BMAL1: variants seen among roughly 807,000 people sequenced by gnomAD.
BMAL1 encodes the protein basic helix-loop-helix ARNT-like protein 1.
chr11:13,382,510 C>T, the BMAL1 span, among the ~76,000 whole-genome samples: 1 of 152,026 alleles, frequency 6.6e-6, no homozygotes, highest in Admixed American at 6.6e-5. Context: ...TGACCCCCGC[C>T]CCCCTGCCCA....
At chr11:13,304,752 A>G in the BMAL1 span, among the ~76,000 whole-genome samples, 1 of 152,176 alleles carries the variant, frequency 6.6e-6, no homozygotes, top group African/African-American at 2.4e-5. Context: ...TCCACTTCCA[A>G]TGCCTGCCAT....
chr11:13,321,394 G>GA, the BMAL1 span, among the ~76,000 whole-genome samples: 2 of 152,134 alleles, frequency 1.3e-5, no homozygotes. Flanking sequence ...TTGTGAAATG[G>GA]GCTGCCCGTT....
chr11:13,361,203 T>C, the BMAL1 span, among the ~76,000 whole-genome samples: 1 of 152,188 alleles, frequency 6.6e-6, no homozygotes, highest in Non-Finnish European at 1.5e-5. Flanking sequence ...TCTCTCTGTC[T>C]TGCTAAATCT....
At chr11:13,302,945 G>A in the BMAL1 span, among the ~76,000 whole-genome samples, 22 of 152,136 alleles carry the variant, frequency 1.4e-4, no homozygotes, top group Non-Finnish European at 3.2e-4. Flanking sequence ...GCCACTGACC[G>A]TGCTTGGGGC....
At chr11:13,381,743 T>C in the BMAL1 span, among the ~76,000 whole-genome samples, 23 of 152,316 alleles carry the variant, frequency 1.5e-4, no homozygotes, top group African/African-American at 2.6e-4. Flanking sequence ...TGTGACAGCA[T>C]TGGATCCAAG....
the BMAL1 span, chr11:13,309,968 T>C: frequency 6.6e-6 from 1 of 152,652 alleles, no homozygotes; most frequent in Non-Finnish European, 1.5e-5. Flanking sequence ...AGCTAAACTT[T>C]TATTTCATTG....
At chr11:13,368,522 A>G in the BMAL1 span, among the ~76,000 whole-genome samples, 1 of 152,156 alleles carries the variant, frequency 6.6e-6, no homozygotes, top group Non-Finnish European at 1.5e-5. Flanking sequence ...TCGGATTGGC[A>G]TTCTAGGGGA....
chr11:13,360,364 A>G, the BMAL1 span: 2 of 1,613,950 alleles, frequency 1.2e-6, no homozygotes, highest in Non-Finnish European at 1.7e-6. Flanking sequence ...ATCCATACAC[A>G]GAAGCAAACT....
the BMAL1 span, among the ~76,000 whole-genome samples, chr11:13,386,160 C>T: frequency 6.6e-6 from 1 of 152,172 alleles, no homozygotes; most frequent in African/African-American, 2.4e-5. Context: ...GTTTGCTTTT[C>T]CCATCACATC....
chr11:13,373,794 C>T, the BMAL1 span, among the ~76,000 whole-genome samples: 51 of 152,334 alleles, frequency 3.3e-4, no homozygotes, highest in East Asian at 9.9e-3. Context: ...CAGGCATGAA[C>T]CACCATGCCC....
At chr11:13,376,004 C>T in the BMAL1 span, among the ~76,000 whole-genome samples, 1 of 152,336 alleles carries the variant, frequency 6.6e-6, no homozygotes, top group East Asian at 1.9e-4. Context: ...GCAACATTTC[C>T]TTCCAGATAA....
chr11:13,340,619 C>G, the BMAL1 span, among the ~76,000 whole-genome samples: 1 of 152,166 alleles, frequency 6.6e-6, no homozygotes, highest in Non-Finnish European at 1.5e-5. Context: ...ATACCTGTAG[C>G]CTTCCCTGCA....
chr11:13,303,291 C>G, the BMAL1 span, among the ~76,000 whole-genome samples: 1 of 152,012 alleles, frequency 6.6e-6, no homozygotes, highest in African/African-American at 2.4e-5. Flanking sequence ...GTTGTAGACC[C>G]AGGGTGTACA....
the BMAL1 span, chr11:13,369,869 G>C: frequency 1.7e-4 from 251 of 1,455,318 alleles, no homozygotes; most frequent in Non-Finnish European, 2.1e-4. Flanking sequence ...TGGCTGGCCA[G>C]AGTGGCAGGT....
At chr11:13,375,636 C>T in the BMAL1 span, 1 of 1,578,020 alleles carries the variant, frequency 6.3e-7, no homozygotes, top group South Asian at 1.2e-5. Flanking sequence ...GAAAAAATTA[C>T]AACTAATTGC....
the BMAL1 span, chr11:13,354,410 T>C: frequency 6.2e-7 from 1 of 1,614,154 alleles, no homozygotes; most frequent in East Asian, 2.2e-5. Flanking sequence ...GTGGTGTGGA[T>C]TGCAACCGCA....
the BMAL1 span, chr11:13,375,680 A>G: frequency 6.2e-7 from 1 of 1,603,112 alleles, no homozygotes; most frequent in Non-Finnish European, 8.5e-7. Context: ...TTCTTTTATC[A>G]CACTACGGAG....
chr11:13,350,574 A>G, the BMAL1 span, among the ~76,000 whole-genome samples: 1 of 152,242 alleles, frequency 6.6e-6, no homozygotes, highest in Non-Finnish European at 1.5e-5. Flanking sequence ...GGAACAGAGT[A>G]GAGAGTCCAG....
At chr11:13,374,530 G>A in the BMAL1 span, among the ~76,000 whole-genome samples, 1 of 152,156 alleles carries the variant, frequency 6.6e-6, no homozygotes, top group Non-Finnish European at 1.5e-5. Flanking sequence ...TGTGTTTTCT[G>A]TCTTGACTAA....
Sources: allele counts gnomAD v4.1 joint callset (sites outside exome capture counted in the v4.1 genomes callset), GRCh38; gene constraint gnomAD v4.1.1; transcripts MANE v1.5; gene names NCBI Gene and HGNC (gene_info 2026-07-23, HGNC 2026-07-21).